Variants in ABCA13 observed in about 807,000 individuals in gnomAD.
ABCA13 encodes the protein ATP-binding cassette sub-family A member 13.
A neutral mutation model predicts 478.7 loss-of-function variants in ABCA13; 476 were observed. That is an observed-to-expected ratio of 0.99 (90% confidence interval 0.92 to 1.07). The LOEUF is 1.07. Ranked by LOEUF, ABCA13 falls within the 50% of genes least tolerant of loss-of-function variation. The probability of loss-of-function intolerance (pLI) is 0.00; values close to 1 mark genes in which losing one functional copy is unlikely to be tolerated. For missense variants in ABCA13, 6,060 were observed against 5,910.6 expected (o/e 1.03, Z -0.83); for synonymous variants, 2,252 against 2,158.9 (o/e 1.04, Z -1.20).
intron 48 of ABCA13, among the ~76,000 whole-genome samples, chr7:48,496,195 A>T (rs777047989): frequency 1.8e-4 from 27 of 151,374 alleles, no homozygotes; most frequent in Admixed American, 3.3e-4. Context: ...TTACTTGAGC[A>T]TTTTTTTTGA....
chr7:48,394,606 G>C (rs1816572271), intron 38 of ABCA13, among the ~76,000 whole-genome samples: 2 of 152,154 alleles, frequency 1.3e-5, no homozygotes, highest in Admixed American at 1.3e-4. Flanking sequence ...CAAACCCCTT[G>C]ACTACAGGGA....
chr7:48,586,757 T>C (rs1789219065), intron 56 of ABCA13, among the ~76,000 whole-genome samples: 1 of 152,202 alleles, frequency 6.6e-6, no homozygotes, highest in Non-Finnish European at 1.5e-5. Context: ...GCTTCGGTTG[T>C]CTTCTCCCTT....
At chr7:48,365,437 AT>A (rs1450596194) in intron 31 of ABCA13, among the ~76,000 whole-genome samples, 4 of 151,888 alleles carry the variant, frequency 2.6e-5, no homozygotes, top group African/African-American at 9.7e-5. Context: ...TCATTTGTCT[AT>A]TTTTGCTTTT....
At position 48,275,313 on chromosome 7, in the gene ABCA13, A is replaced by G; in HGVS notation, c.5647A>G (p.Thr1883Ala). The change falls in exon 17 of 62, where the codon ACT becomes GCT. Residue 1883 changes from threonine (T) to alanine (A), a missense_variant. Physicochemically the swap from Thr to Ala is moderately conservative, Grantham distance 58. Coordinates refer to ENST00000435803, the MANE Select transcript of ABCA13 (RefSeq NM_152701.5). ...AAATGAAAGCTCCCGAATGGAAATA[A>G]CTAGGAAAGTGGTCTGCATAATTCA... is the stretch of plus-strand genomic sequence containing the variant. ...CSNESSRMEI[T>A]RKVVCIIHEL... is the part of the protein sequence containing the mutation. The G allele has an allele frequency of 6.2e-7, 1 of 1,613,970 alleles. No individual in the cohort carries two copies. The highest frequency in any genetic ancestry group is 8.5e-7 in the Non-Finnish European group (1 of 1,179,878).
At chr7:48,559,012 C>T (rs1469712742) in intron 55 of ABCA13, among the ~76,000 whole-genome samples, 1 of 152,164 alleles carries the variant, frequency 6.6e-6, no homozygotes, top group African/African-American at 2.4e-5. Context: ...TATCTAACTA[C>T]CTAACATAAC....
At position 48,417,058 on chromosome 7, in the gene ABCA13, T is replaced by TA. The variant is rs576610484; in HGVS notation, c.12459+4476dup. ...AATTTCTTTTACAAAAATGTGTCCT[T>TA]ATGTAGTTCCTCCCCTCCCTGCTTT... On this transcript the variant is annotated intron_variant, in intron 41 of 61. Coordinates refer to ENST00000435803, the MANE Select transcript of ABCA13 (RefSeq NM_152701.5). 9.1e-4 allele frequency among the ~76,000 whole-genome samples: 139 copies of TA among 152,312 alleles called. 1 individual carries two copies. Among genetic ancestry groups the TA allele is most frequent in the African/African-American group, 3.2e-3 (135 of 41,560 alleles).
chr7:48,627,616 G>A (rs1040654059), intron 59 of ABCA13, among the ~76,000 whole-genome samples: 5 of 152,070 alleles, frequency 3.3e-5, no homozygotes, highest in Middle Eastern at 3.2e-3. Flanking sequence ...AAGAAATGGA[G>A]GAATATACCA....
At chr7:48,360,674 C>T (rs1193236777) in intron 31 of ABCA13, among the ~76,000 whole-genome samples, 4 of 151,938 alleles carry the variant, frequency 2.6e-5, no homozygotes, top group African/African-American at 9.7e-5. Flanking sequence ...GTCCCTCATT[C>T]TTTGTCGTTG....
At chr7:48,176,115 T>C (rs1290426021) in intron 1 of ABCA13, among the ~76,000 whole-genome samples, 1 of 152,172 alleles carries the variant, frequency 6.6e-6, no homozygotes, top group African/African-American at 2.4e-5. Flanking sequence ...ATCCTACATC[T>C]GTTGACACCT....
chr7:48,375,800 G>C (rs1313430248), intron 34 of ABCA13, among the ~76,000 whole-genome samples: 1 of 151,982 alleles, frequency 6.6e-6, no homozygotes, highest in Non-Finnish European at 1.5e-5. Context: ...CTGATCTTTA[G>C]AATAAATTGA....
At chr7:48,364,011 C>A (rs11973519) in intron 31 of ABCA13, among the ~76,000 whole-genome samples, 1 of 151,838 alleles carries the variant, frequency 6.6e-6, no homozygotes, top group Non-Finnish European at 1.5e-5. Flanking sequence ...TATTTCTTGC[C>A]CAAATGTTGT....
chr7:48,575,026 A>G (rs1317856972), intron 55 of ABCA13, among the ~76,000 whole-genome samples: 1 of 151,424 alleles, frequency 6.6e-6, no homozygotes, highest in Non-Finnish European at 1.5e-5. Context: ...TCCCCTATCC[A>G]GAAAATACTT....
intron 59 of ABCA13, among the ~76,000 whole-genome samples, chr7:48,623,829 A>G (rs1388650796): frequency 6.6e-6 from 1 of 152,118 alleles, no homozygotes; most frequent in African/African-American, 2.4e-5. Flanking sequence ...CTACTTAAAT[A>G]AGGTTAGGTT....
At chr7:48,250,188 T>C (rs1033589189) in intron 15 of ABCA13, among the ~76,000 whole-genome samples, 3 of 152,228 alleles carry the variant, frequency 2.0e-5, no homozygotes, top group African/African-American at 7.2e-5. Context: ...TGTGGGGGCA[T>C]GGAGCTTCTA....
At chr7:48,592,158 TTTC>T (rs1454572967) in intron 57 of ABCA13, among the ~76,000 whole-genome samples, 1 of 151,408 alleles carries the variant, frequency 6.6e-6, no homozygotes, top group African/African-American at 2.4e-5. Context: ...CTTTATCCAG[TTTC>T]TTCAATTGCA....
chr7:48,358,136 C>A (rs539056294), intron 31 of ABCA13, among the ~76,000 whole-genome samples: 1 of 145,036 alleles, frequency 6.9e-6, no homozygotes, highest in African/African-American at 2.6e-5. Context: ...GAGCAAACTC[C>A]GTCTCAAAGA....
At chr7:48,191,867 A>T (rs1467109430) in intron 1 of ABCA13, among the ~76,000 whole-genome samples, 1 of 152,240 alleles carries the variant, frequency 6.6e-6, no homozygotes, top group Non-Finnish European at 1.5e-5. Context: ...GGCAGTTCAA[A>T]GAATAAAGAA....
chr7:48,615,547 C>G (rs1456257544), intron 59 of ABCA13, among the ~76,000 whole-genome samples, 170 bp downstream of exon 59: 1 of 152,144 alleles, frequency 6.6e-6, no homozygotes, highest in African/African-American at 2.4e-5. Context: ...AAGTCAAACA[C>G]ATAGCAACTC....
At chr7:48,297,165 A>G in intron 21 of ABCA13, 67 bp from the exon 22 acceptor site, 1 of 1,299,830 alleles carries the variant, frequency 7.7e-7, no homozygotes, top group Non-Finnish European at 1.1e-6. Context: ...AGGCAGTATT[A>G]TTCATTCCAA....
Sources: gnomAD v4.1 joint callset for allele counts (sites outside exome capture counted in the v4.1 genomes callset) on GRCh38, gnomAD v4.1.1 for gene constraint, MANE v1.5 for transcripts, NCBI Gene and HGNC (gene_info 2026-07-23, HGNC 2026-07-21) for gene names.